Variants in CCDC7 observed in about 807,000 individuals in gnomAD.
CCDC7 encodes the protein coiled-coil domain-containing protein 7.
Under a neutral mutation model 196.9 loss-of-function variants are expected in CCDC7, and 183 were observed. That is an observed-to-expected ratio of 0.93 (90% CI 0.82 to 1.05). The LOEUF (loss-of-function observed/expected upper bound fraction) is 1.05, where lower values mean the gene tolerates loss of function less well. Ranked by LOEUF, CCDC7 falls within the 50% of genes least tolerant of loss-of-function variation. The pLI, the probability that CCDC7 is intolerant of heterozygous loss-of-function variation, is 0.00. For missense variants in CCDC7, 1,540 were observed against 1,482.2 expected, an observed-to-expected ratio of 1.04 and a Z score of -0.64; for synonymous variants, 525 against 484.6, an observed-to-expected ratio of 1.08 and a Z score of -1.10.
chr10:32,466,383 A>G (rs773909604), intron 5 of CCDC7, among the ~76,000 whole-genome samples: 5 of 151,798 alleles, frequency 3.3e-5, no homozygotes, highest in Non-Finnish European at 7.4e-5. Flanking sequence ...TATTAAGCCC[A>G]GTACCCAACA....
In CCDC7 at chr10:32,501,249, C is replaced by T. The variant is rs2095162; in HGVS notation, c.872+9252C>T. Among the ~76,000 whole-genome samples the T allele has an allele frequency of 1.0e-3, 159 of 152,196 alleles. 2 individuals carry two copies. The highest frequency in any genetic ancestry group is 0.01 in the East Asian group (52 of 5,154). ...TCCATCAGGTCATTTATGTTCTTCT[C>T]TAAACTGGGTATTCTAGTTAGCAAT... On this transcript the variant is annotated intron_variant, in intron 9 of 41. Coordinates refer to ENST00000639629, the Ensembl canonical transcript of CCDC7.
intron 16 of CCDC7, among the ~76,000 whole-genome samples, chr10:32,582,454 T>C (rs915557530): frequency 6.6e-6 from 1 of 151,938 alleles, no homozygotes. Context: ...AACTAGAATG[T>C]TGGGACAACA....
intron 32 of CCDC7, among the ~76,000 whole-genome samples, chr10:32,834,037 T>C (rs2092418389): frequency 6.6e-6 from 1 of 152,148 alleles, no homozygotes; most frequent in African/African-American, 2.4e-5. Context: ...GATTTCATTT[T>C]TCTGTCATTG....
chr10:32,850,027 T>A (rs148288067), intron 39 of CCDC7, among the ~76,000 whole-genome samples: 3 of 151,958 alleles, frequency 2.0e-5, no homozygotes, highest in Non-Finnish European at 4.4e-5. Context: ...TGGAAAAAAA[T>A]GCAAACTCTT....
At chr10:32,754,674 A>G (rs573526847) in intron 28 of CCDC7, among the ~76,000 whole-genome samples, 143 of 152,194 alleles carry the variant, frequency 9.4e-4, no homozygotes, top group Non-Finnish European at 1.7e-3. Context: ...GCTGACTAGG[A>G]ACAGCTCCAG....
chr10:32,758,324 T>G (rs1482396647), intron 28 of CCDC7, among the ~76,000 whole-genome samples: 1 of 152,184 alleles, frequency 6.6e-6, no homozygotes, highest in Non-Finnish European at 1.5e-5. Flanking sequence ...CCAATATCCC[T>G]GATGAGCATT....
At position 32,845,881 on chromosome 10, in the gene CCDC7, G is replaced by T. The variant is rs1450713860; in HGVS notation, c.3526G>T (p.Asp1176Tyr). The T allele has an allele frequency of 1.9e-6, 3 of 1,606,818 alleles. No homozygotes were observed. In the South Asian group the frequency reaches 3.3e-5, roughly 18 times the overall value. ...AATCTGTTTTATTTCAATAGAGACT[G>T]ATAAGGAATTCTTGGCAGATGCTAT... Residue 1176 changes from aspartate to tyrosine, a missense_variant, in exon 36 of 42, where the codon GAT becomes TAT. Physicochemically the swap from Asp to Tyr is radical, Grantham distance 160. Transcript: ENST00000639629.
intron 41 of CCDC7, among the ~76,000 whole-genome samples, chr10:32,867,272 C>A (rs1280866368): frequency 6.6e-6 from 1 of 151,518 alleles, no homozygotes; most frequent in African/African-American, 2.4e-5. Flanking sequence ...GATATATTAT[C>A]ATTTCTTAAG....
At chr10:32,576,468 C>T (rs1358234118) in intron 16 of CCDC7, among the ~76,000 whole-genome samples, 1 of 151,708 alleles carries the variant, frequency 6.6e-6, no homozygotes, top group Non-Finnish European at 1.5e-5. Flanking sequence ...GACTGACAAG[C>T]CTTGTGGAGG....
chr10:32,863,136 A>C (rs1312713223), intron 41 of CCDC7, among the ~76,000 whole-genome samples: 1 of 152,062 alleles, frequency 6.6e-6, no homozygotes, highest in Admixed American at 6.6e-5. Flanking sequence ...TATTCACATA[A>C]ATAGAAAACA....
chr10:32,656,245 G>A (rs1382251937), intron 20 of CCDC7, among the ~76,000 whole-genome samples: 1 of 152,158 alleles, frequency 6.6e-6, no homozygotes, highest in Non-Finnish European at 1.5e-5. Flanking sequence ...TGGGCATACA[G>A]TCAAAAGAAA....
At chr10:32,630,061 C>T (rs2064635890) in intron 18 of CCDC7, among the ~76,000 whole-genome samples, 1 of 152,172 alleles carries the variant, frequency 6.6e-6, no homozygotes. Context: ...GAAGCCAGAA[C>T]TGCAGGGAGC....
chr10:32,777,795 C>T (rs960442217), intron 28 of CCDC7, among the ~76,000 whole-genome samples: 2 of 152,104 alleles, frequency 1.3e-5, no homozygotes, highest in East Asian at 3.9e-4. Context: ...ACCTGGGAGG[C>T]GGAGGTTGCA....
chr10:32,586,968 C>A (rs1445331551), intron 18 of CCDC7, among the ~76,000 whole-genome samples: 1 of 152,158 alleles, frequency 6.6e-6, no homozygotes, highest in Non-Finnish European at 1.5e-5. Context: ...ATTGTCTGAG[C>A]TAAATATTCA....
At chr10:32,781,728 C>T (rs1163281127) in intron 29 of CCDC7, among the ~76,000 whole-genome samples, 1 of 152,106 alleles carries the variant, frequency 6.6e-6, no homozygotes, top group Admixed American at 6.6e-5. Context: ...AAAATGTTTT[C>T]CTTAAGATCA....
Position 32,748,358 on chromosome 10 carries a change from G to GA in CCDC7, c.2905+18910dup, listed in dbSNP as rs558417381. On this transcript the variant is annotated intron_variant, in intron 28 of 41. Transcript: ENST00000639629. ...ACCTCCACATGTACCCAAAATAATA[G>GA]AAAAAAAAAGTAAAACATGTAACTT... is the stretch of plus-strand genomic sequence containing the variant. 9.8e-4 allele frequency among the ~76,000 whole-genome samples: 147 copies of GA among 150,520 alleles called. 3 individuals carry two copies. In the East Asian group the frequency reaches 0.026, roughly 27 times the overall value.
chr10:32,571,602 A>T (rs896266998), intron 15 of CCDC7, among the ~76,000 whole-genome samples: 7 of 152,200 alleles, frequency 4.6e-5, no homozygotes, highest in African/African-American at 1.7e-4. Flanking sequence ...AACTCAAAAA[A>T]TTTTTTTTTT....
chr10:32,787,164 T>C (rs1461527099), intron 29 of CCDC7, among the ~76,000 whole-genome samples: 1 of 151,164 alleles, frequency 6.6e-6, no homozygotes, highest in African/African-American at 2.4e-5. Flanking sequence ...GTAAAAAATA[T>C]CCCAAATTTG....
At chr10:32,832,068 T>C (rs1335067964) in intron 32 of CCDC7, among the ~76,000 whole-genome samples, 2 of 152,308 alleles carry the variant, frequency 1.3e-5, no homozygotes, top group African/African-American at 2.4e-5. Context: ...CACTACATGA[T>C]AGAAATTTCC....
Sources: allele counts gnomAD v4.1 joint callset (sites outside exome capture counted in the v4.1 genomes callset), GRCh38; gene constraint gnomAD v4.1.1; transcripts MANE v1.5; gene names NCBI Gene and HGNC (gene_info 2026-07-23, HGNC 2026-07-21).